Variants in WWOX observed in about 807,000 individuals in gnomAD.
WWOX encodes WW domain containing oxidoreductase, also known as WW domain-containing oxidoreductase.
WWOX carries 69 observed loss-of-function variants against 46.2 expected under a neutral mutation model. The ratio of observed to expected loss-of-function variants is 1.49; its 90% confidence interval spans 1.23 to 1.82. WWOX has a LOEUF of 1.82. Among genes scored for constraint, WWOX ranks in the 40% most tolerant of loss-of-function variants. The probability of loss-of-function intolerance (pLI) is 0.00; values close to 1 mark genes in which losing one functional copy is unlikely to be tolerated. For missense variants in WWOX, 919 were observed against 542.6 expected, an observed-to-expected ratio of 1.69 and a Z score of -6.89; for synonymous variants, 359 against 202.6, an observed-to-expected ratio of 1.77 and a Z score of -6.56.
intron 8 of WWOX, among the ~76,000 whole-genome samples, chr16:78,474,908 C>G (rs948320798): frequency 6.6e-6 from 1 of 152,214 alleles, no homozygotes; most frequent in Admixed American, 6.5e-5. Flanking sequence ...TTTTTCAGTT[C>G]CTTGTTTTTT....
chr16:78,248,865 T>TTC (rs2094423143), intron 5 of WWOX, among the ~76,000 whole-genome samples: 1 of 75,840 alleles, frequency 1.3e-5, no homozygotes, highest in African/African-American at 4.4e-5. Context: ...CCCCCCGGCC[T>TTC]TTTTTTTTTT....
intron 5 of WWOX, chr16:78,355,802 T>G (rs72794061): frequency 0.12 from 84,903 of 710,884 alleles, 13,939 homozygotes; most frequent in East Asian, 0.31. Flanking sequence ...AGATGGCATT[T>G]TCCTGGTTGC....
chr16:78,724,622 G>A (rs1456803377), intron 8 of WWOX, among the ~76,000 whole-genome samples: 2 of 152,184 alleles, frequency 1.3e-5, no homozygotes, highest in South Asian at 2.1e-4. Flanking sequence ...GAAATGACAA[G>A]AATCCCCAGA....
chr16:78,787,685 G>A (rs193133719), intron 8 of WWOX, among the ~76,000 whole-genome samples: 72 of 152,248 alleles, frequency 4.7e-4, no homozygotes, highest in Non-Finnish European at 1.5e-4. Flanking sequence ...ATATTTTGGG[G>A]AGTGGCATTG....
At chr16:78,693,076 CT>C (rs2048026834) in intron 8 of WWOX, among the ~76,000 whole-genome samples, 1 of 152,176 alleles carries the variant, frequency 6.6e-6, no homozygotes, top group Non-Finnish European at 1.5e-5. Context: ...TGCCAGCAAC[CT>C]TTTAGATCTC....
chr16:78,178,669 C>A (rs754397794), intron 5 of WWOX, among the ~76,000 whole-genome samples: 1 of 152,074 alleles, frequency 6.6e-6, no homozygotes, highest in Non-Finnish European at 1.5e-5. Context: ...AGTTCGAGAC[C>A]AGCCTGGCAA....
intron 8 of WWOX, among the ~76,000 whole-genome samples, chr16:78,972,198 C>G (rs2046484488): frequency 6.6e-6 from 1 of 152,130 alleles, no homozygotes; most frequent in African/African-American, 2.4e-5. Context: ...TGGCCATCAG[C>G]TGCCGTGCTT....
chr16:78,161,285 A>G (rs1410278997), intron 4 of WWOX, among the ~76,000 whole-genome samples: 1 of 152,136 alleles, frequency 6.6e-6, no homozygotes, highest in Non-Finnish European at 1.5e-5. Context: ...TATTTAATGT[A>G]ATGACAGATA....
At chr16:78,835,450 A>G (rs1433075756) in intron 8 of WWOX, among the ~76,000 whole-genome samples, 1 of 152,220 alleles carries the variant, frequency 6.6e-6, no homozygotes, top group African/African-American at 2.4e-5. Context: ...ACAAGCGCCC[A>G]TGAGCATGTT....
chr16:78,990,293 G>A (rs1424605613), intron 8 of WWOX, among the ~76,000 whole-genome samples: 2 of 151,906 alleles, frequency 1.3e-5, no homozygotes, highest in Non-Finnish European at 1.5e-5. Context: ...TTTCCATGAA[G>A]CCTGACTGTG....
intron 5 of WWOX, among the ~76,000 whole-genome samples, chr16:78,236,571 T>G (rs2151813818): frequency 6.6e-6 from 1 of 152,274 alleles, no homozygotes; most frequent in South Asian, 2.1e-4. Context: ...TTTCCCCATT[T>G]GGATGGTGGG....
chr16:78,708,048 T>A (rs1326118302), intron 8 of WWOX, among the ~76,000 whole-genome samples: 2 of 152,048 alleles, frequency 1.3e-5, no homozygotes, highest in African/African-American at 4.8e-5. Flanking sequence ...ACACCTGGCC[T>A]GTTACAGTGG....
chr16:78,499,658 C>T (rs768686783), intron 8 of WWOX, among the ~76,000 whole-genome samples: 2 of 152,202 alleles, frequency 1.3e-5, no homozygotes, highest in African/African-American at 4.8e-5. Flanking sequence ...GCCTGCGACT[C>T]TCTTCCCTAT....
At chr16:78,472,065 A>T (rs934293052) in intron 8 of WWOX, among the ~76,000 whole-genome samples, 30 of 152,072 alleles carry the variant, frequency 2.0e-4, no homozygotes, top group Non-Finnish European at 1.5e-5. Context: ...TTGCCCACAC[A>T]TTTTTTCTTA....
intron 4 of WWOX, among the ~76,000 whole-genome samples, chr16:78,128,293 C>G (rs563523058): frequency 2.6e-5 from 4 of 152,056 alleles, no homozygotes; most frequent in Non-Finnish European, 5.9e-5. Context: ...GCATGTCATG[C>G]AATTGACTGG....
At chr16:79,093,226 G>T (rs1312853902) in intron 8 of WWOX, among the ~76,000 whole-genome samples, 1 of 152,160 alleles carries the variant, frequency 6.6e-6, no homozygotes, top group Non-Finnish European at 1.5e-5. Context: ...CGGTGTGGTT[G>T]GGAGGAGGTG....
At chr16:78,728,301 C>G (rs781375425) in intron 8 of WWOX, among the ~76,000 whole-genome samples, 3 of 151,946 alleles carry the variant, frequency 2.0e-5, no homozygotes, top group Non-Finnish European at 4.4e-5. Flanking sequence ...AACTCCTGAG[C>G]TCAAGCGATT....
intron 5 of WWOX, among the ~76,000 whole-genome samples, chr16:78,219,779 ATCTCT>A (rs1490373695): frequency 2.6e-5 from 4 of 151,022 alleles, no homozygotes; most frequent in Non-Finnish European, 5.9e-5. Flanking sequence ...GTACCTCCAA[ATCTCT>A]TCTCTTTTCC....
intron 5 of WWOX, among the ~76,000 whole-genome samples, chr16:78,182,299 A>G (rs1193184665): frequency 6.6e-6 from 1 of 152,148 alleles, no homozygotes; most frequent in Non-Finnish European, 1.5e-5. Flanking sequence ...AAGTGCTGGC[A>G]AAGAAAAGAA....
Sources: gnomAD v4.1 joint callset for allele counts (sites outside exome capture counted in the v4.1 genomes callset) on GRCh38, gnomAD v4.1.1 for gene constraint, MANE v1.5 for transcripts, NCBI Gene and HGNC (gene_info 2026-07-23, HGNC 2026-07-21) for gene names.